SYT6: variants seen among roughly 807,000 people sequenced by gnomAD.
SYT6 encodes the protein synaptotagmin 6.
In SYT6, 24 loss-of-function variants were observed where a neutral mutation model predicts 38.4. The ratio of observed to expected loss-of-function variants is 0.62; its 90% CI spans 0.45 to 0.88. The LOEUF (loss-of-function observed/expected upper bound fraction) is 0.88, where lower values mean the gene tolerates loss of function less well. Among genes scored for constraint, SYT6 ranks in the 40% least tolerant of loss-of-function variants. SYT6 has a pLI of 0.00. For synonymous variants in SYT6, 265 were observed against 241.9 expected (o/e 1.10, Z -0.89); for missense variants, 611 against 621.0 (o/e 0.98, Z 0.17).
chr1:114,093,860 G>T, intron 6 of SYT6, 57 bp from the exon 7 acceptor site: 1 of 1,538,938 alleles, frequency 6.5e-7, no homozygotes, highest in South Asian at 1.1e-5. Context: ...TGTGGCTTCT[G>T]ACTCAAGTGT....
At chr1:114,149,733 G>A (rs369622807) in intron 1 of SYT6, among the ~76,000 whole-genome samples, 1 of 152,064 alleles carries the variant, frequency 6.6e-6, no homozygotes, top group South Asian at 2.1e-4. Context: ...AGTGATGGAG[G>A]TGGAGGGCAG....
chr1:114,140,390 C>A (rs998326163), intron 1 of SYT6, among the ~76,000 whole-genome samples: 5 of 152,134 alleles, frequency 3.3e-5, no homozygotes, highest in Non-Finnish European at 5.9e-5. Context: ...GCTACTATGG[C>A]CAGACTTAGA....
chr1:114,110,839 G>A (rs1676632262), intron 3 of SYT6, among the ~76,000 whole-genome samples: 1 of 152,140 alleles, frequency 6.6e-6, no homozygotes, highest in African/African-American at 2.4e-5. Context: ...GATCCTTGCA[G>A]TTTTCTAACT....
Position 114,091,201 on chromosome 1 carries a change from T to C in SYT6, c.*933A>G, listed in dbSNP as rs1199317098. 2 of 152,804 alleles carry C rather than the reference T, an allele frequency of 1.3e-5. No individual in the cohort carries two copies. Among genetic ancestry groups the C allele is most frequent in the Non-Finnish European group, 2.9e-5 (2 of 68,056 alleles). The allele number at this position is 152,804 out of a possible 1,614,324, so 9.5% of individuals were successfully genotyped here. On this transcript the variant is annotated 3_prime_UTR_variant, in exon 8 of 8. Transcript: ENST00000610222. ...AATGCAGAAATCATTCCAGAACATA[T>C]GTTTCTCTCTTACTTTACAATCAAG...
intron 4 of SYT6, among the ~76,000 whole-genome samples, chr1:114,102,352 ACTCAGAG>A (rs1676022606): frequency 1.3e-5 from 2 of 152,066 alleles, no homozygotes; most frequent in Non-Finnish European, 2.9e-5. Context: ...GCTCTGAGGG[ACTCAGAG>A]CTGCAACAAA....
At chr1:114,121,166 C>T (rs1467743652) in intron 3 of SYT6, among the ~76,000 whole-genome samples, 1 of 152,226 alleles carries the variant, frequency 6.6e-6, no homozygotes, top group Non-Finnish European at 1.5e-5. Context: ...ACCATGGCCC[C>T]TCCTACTCCT....
intron 3 of SYT6, among the ~76,000 whole-genome samples, chr1:114,129,555 TTTTCTTTCTTTTCTTTCTTTCTTTC>T (rs1677964817): frequency 1.4e-5 from 2 of 142,040 alleles, no homozygotes; most frequent in Non-Finnish European, 3.1e-5. Flanking sequence ...TTCTGTCTTT[TTTTCTTTCTTTTCTTTCTTTCTTTC>T]TTTCTTTCTT....
At chr1:114,133,585 G>A (rs1474346704) in intron 3 of SYT6, among the ~76,000 whole-genome samples, 1 of 152,194 alleles carries the variant, frequency 6.6e-6, no homozygotes, top group Non-Finnish European at 1.5e-5. Flanking sequence ...AGGGGCCCTT[G>A]GGCAAGCCAG....
At chr1:114,143,777 T>C (rs551627884) in intron 1 of SYT6, among the ~76,000 whole-genome samples, 1 of 152,162 alleles carries the variant, frequency 6.6e-6, no homozygotes, top group African/African-American at 2.4e-5. Context: ...ATTTTAAATG[T>C]TGTGATTGGT....
chr1:114,137,796 G>C lies in SYT6; in HGVS notation c.770C>G (p.Pro257Arg). Residue 257 changes from proline (P) to arginine (R), a missense_variant, in exon 3 of 8, where the codon CCT becomes CGT. Physicochemically the swap from Pro to Arg is moderately radical, Grantham distance 103 (BLOSUM62 -2). Coordinates refer to ENST00000610222, the MANE Select transcript of SYT6 (RefSeq NM_001253772.2). Reference sequence around the variant, plus strand: ...AGAGCTTCCACAAAAGTCCTTGGCAGGGAGGTCAAAAGCCTTCAGGATACG... The same window carrying C: ...AGAGCTTCCACAAAAGTCCTTGGCACGGAGGTCAAAAGCCTTCAGGATACG... ...IVRILKAFDLPAKDFCGSSDP... is the reference protein window; with the variant it reads ...IVRILKAFDLRAKDFCGSSDP... The C allele has an allele frequency of 1.2e-6, 2 of 1,614,136 alleles. No individual in the cohort carries two copies. The highest frequency in any genetic ancestry group is 1.7e-6 in the Non-Finnish European group (2 of 1,180,020).
chr1:114,142,786 C>A (rs564122812), intron 1 of SYT6, among the ~76,000 whole-genome samples: 1 of 152,136 alleles, frequency 6.6e-6, no homozygotes, highest in Non-Finnish European at 1.5e-5. Context: ...GACCCTCCAC[C>A]AGCAAAAAGA....
intron 3 of SYT6, among the ~76,000 whole-genome samples, chr1:114,125,418 T>C (rs1677664687): frequency 6.6e-6 from 1 of 152,222 alleles, no homozygotes; most frequent in East Asian, 1.9e-4. Context: ...CAGATTTCAG[T>C]GCAGCCCTAG....
At chr1:114,148,566 A>G (rs2101124004) in intron 1 of SYT6, among the ~76,000 whole-genome samples, 1 of 152,342 alleles carries the variant, frequency 6.6e-6, no homozygotes, top group Admixed American at 6.5e-5. Context: ...CCCAGAGGCC[A>G]GGGAGCAAGT....
chr1:114,092,622 T>TGG (rs1432128995), intron 7 of SYT6, among the ~76,000 whole-genome samples: 1 of 152,094 alleles, frequency 6.6e-6, no homozygotes, highest in Non-Finnish European at 1.5e-5. Context: ...TGTGGAGAGG[T>TGG]AGAGGTGTGA....
At chr1:114,106,433 AGTGAGTGCTTTG>A (rs1202870564) in intron 3 of SYT6, among the ~76,000 whole-genome samples, 10 of 152,248 alleles carry the variant, frequency 6.6e-5, no homozygotes, top group Admixed American at 6.5e-4. Context: ...CTGTGTGACT[AGTGAGTGCTTTG>A]GTGCCAGATT....
chr1:114,103,401 CT>C (rs1271870790), intron 4 of SYT6, among the ~76,000 whole-genome samples, 199 bp downstream of exon 4: 1 of 152,256 alleles, frequency 6.6e-6, no homozygotes, highest in Non-Finnish European at 1.5e-5. Flanking sequence ...GATATTATTA[CT>C]CCCACTTTTC....
chr1:114,148,073 T>C (rs1361475821), intron 1 of SYT6, among the ~76,000 whole-genome samples: 1 of 152,176 alleles, frequency 6.6e-6, no homozygotes, highest in Non-Finnish European at 1.5e-5. Context: ...GCTTGTCACC[T>C]TAAATGAGAC....
intron 3 of SYT6, among the ~76,000 whole-genome samples, chr1:114,129,079 A>G (rs76131982): frequency 0.053 from 8,095 of 152,090 alleles, 751 homozygotes; most frequent in African/African-American, 0.18. Context: ...TCCTCCCCAT[A>G]TGGGTTCTTC....
At chr1:114,144,889 GGTA>G (rs1334555070) in intron 1 of SYT6, among the ~76,000 whole-genome samples, 4 of 152,124 alleles carry the variant, frequency 2.6e-5, no homozygotes, top group Non-Finnish European at 4.4e-5. Context: ...TCCGAGAATA[GGTA>G]ATAATAGCAG....
Sources: allele counts gnomAD v4.1 joint callset (sites outside exome capture counted in the v4.1 genomes callset), GRCh38; gene constraint gnomAD v4.1.1; transcripts MANE v1.5; gene names NCBI Gene and HGNC (gene_info 2026-07-23, HGNC 2026-07-21).